The following KCNH7 variants were observed in gnomAD, a reference collection of about 807,000 sequenced individuals.
The protein encoded by KCNH7 is potassium voltage-gated channel subfamily H member 7.
Under a neutral mutation model 120.8 loss-of-function variants are expected in KCNH7, and 49 were observed. The observed-to-expected ratio is 0.41, with a 90% CI of 0.32 to 0.51. KCNH7 has a LOEUF of 0.51. Among genes scored for constraint, KCNH7 ranks in the 20% least tolerant of loss-of-function variants. The pLI is 0.38. For missense variants in KCNH7, 1,097 were observed against 1,446.6 expected (o/e 0.76, Z 3.92); for synonymous variants, 547 against 516.1 (o/e 1.06, Z -0.81).
chr2:162,766,908 A>AC (rs1682839245), intron 2 of KCNH7, among the ~76,000 whole-genome samples: 1 of 138,436 alleles, frequency 7.2e-6, no homozygotes, highest in African/African-American at 2.7e-5. Context: ...CACACACATA[A>AC]ACACACATCA....
chr2:162,435,456 G>A lies in KCNH7; in HGVS notation c.1696C>T (p.Leu566=). The change falls in exon 8 of 16, where the codon CTG becomes TTG. Residue 566 remains leucine (L), a synonymous_variant. Transcript: ENST00000332142. ...CCAATCGCATACCAAATGCAAGCCA[G>A]CCAGTGAGCAATCAGGGCAAAGATG... ...MCIFALIAHW[L]ACIWYAIGNV... is the part of the protein sequence containing the mutation. The A allele has an allele frequency of 6.2e-7, 1 of 1,613,768 alleles. No individual in the cohort carries two copies. The highest frequency in any genetic ancestry group is 8.5e-7 in the Non-Finnish European group (1 of 1,179,866).
chr2:162,414,870 G>C (rs1687494832), intron 9 of KCNH7, among the ~76,000 whole-genome samples: 1 of 151,966 alleles, frequency 6.6e-6, no homozygotes, highest in Admixed American at 6.6e-5. Flanking sequence ...AGGAATGCAA[G>C]TCCCTTTAAA....
At chr2:162,374,424 C>T (rs1401945593) in intron 14 of KCNH7, among the ~76,000 whole-genome samples, 1 of 152,014 alleles carries the variant, frequency 6.6e-6, no homozygotes, top group Non-Finnish European at 1.5e-5. Context: ...GGTCAGATTC[C>T]CCTCCTTTGC....
intron 8 of KCNH7, among the ~76,000 whole-genome samples, chr2:162,434,766 A>G (rs770834665): frequency 2.0e-5 from 3 of 151,932 alleles, no homozygotes; most frequent in Non-Finnish European, 4.4e-5. Flanking sequence ...TTACAGAATA[A>G]TTGTTGTAAT....
rs1483211204 is a variant in KCNH7, at chr2:162,764,990, A to T, written c.307+71547T>A. On this transcript the variant is annotated intron_variant, in intron 2 of 15. Transcript: ENST00000332142. ...ACATCAGAGCTATAAAACCAAATTT[A>T]AAAAATATTAAAATGTCACAATGCT... Among the ~76,000 whole-genome samples the T allele has an allele frequency of 2.6e-5, 4 of 152,294 alleles. No homozygotes were observed. The East Asian group carries it at 7.7e-4, about 29-fold the overall frequency.
At chr2:162,790,899 C>G (rs764169827) in intron 2 of KCNH7, among the ~76,000 whole-genome samples, 6 of 151,798 alleles carry the variant, frequency 4.0e-5, no homozygotes, top group Admixed American at 1.3e-4. Flanking sequence ...ATGCTGAAAA[C>G]TTTTTCTCTA....
chr2:162,604,486 C>T (rs1694665532), intron 2 of KCNH7, among the ~76,000 whole-genome samples: 1 of 152,064 alleles, frequency 6.6e-6, no homozygotes, highest in Non-Finnish European at 1.5e-5. Flanking sequence ...TTACCAGATC[C>T]ATTTCTTAAG....
intron 2 of KCNH7, among the ~76,000 whole-genome samples, chr2:162,741,587 A>G (rs1688139962): frequency 6.6e-6 from 1 of 152,106 alleles, no homozygotes; most frequent in Admixed American, 6.6e-5. Flanking sequence ...ATTTTAGTCA[A>G]CAGCCTGGTA....
At chr2:162,659,017 A>C (rs930959279) in intron 2 of KCNH7, among the ~76,000 whole-genome samples, 1 of 152,230 alleles carries the variant, frequency 6.6e-6, no homozygotes, top group Non-Finnish European at 1.5e-5. Context: ...AAAAAGAATG[A>C]CATGAGGAGA....
intron 2 of KCNH7, among the ~76,000 whole-genome samples, chr2:162,592,081 C>A (rs1423219590): frequency 6.6e-6 from 1 of 151,986 alleles, no homozygotes; most frequent in Admixed American, 6.6e-5. Flanking sequence ...GCAGTCTTAT[C>A]TTTTTCAATT....
intron 2 of KCNH7, among the ~76,000 whole-genome samples, chr2:162,790,098 TTATC>T (rs1300226189): frequency 1.3e-5 from 2 of 151,164 alleles, no homozygotes; most frequent in African/African-American, 2.4e-5. Flanking sequence ...TTTAACTAGA[TTATC>T]TAAGAAAAAA....
chr2:162,656,668 T>C (rs1382450348), intron 2 of KCNH7, among the ~76,000 whole-genome samples: 3 of 152,130 alleles, frequency 2.0e-5, no homozygotes, highest in Non-Finnish European at 4.4e-5. Context: ...TTTGATGATA[T>C]GGTAGAAAAC....
chr2:162,694,418 G>T (rs892533439), intron 2 of KCNH7, among the ~76,000 whole-genome samples: 18 of 151,956 alleles, frequency 1.2e-4, no homozygotes, highest in African/African-American at 4.4e-4. Flanking sequence ...GGCATTCATA[G>T]ATCTTTGCAA....
chr2:162,529,224 A>T (rs530655936), intron 3 of KCNH7, among the ~76,000 whole-genome samples: 1 of 152,138 alleles, frequency 6.6e-6, no homozygotes, highest in South Asian at 2.1e-4. Context: ...TAAGCAGCGT[A>T]TATAGAGATG....
At chr2:162,629,879 T>C (rs1178386594) in intron 2 of KCNH7, among the ~76,000 whole-genome samples, 3 of 152,086 alleles carry the variant, frequency 2.0e-5, no homozygotes, top group African/African-American at 7.2e-5. Context: ...GTGACAGATA[T>C]AACAATACTA....
At chr2:162,722,935 GTTA>G (rs1687380442) in intron 2 of KCNH7, among the ~76,000 whole-genome samples, 1 of 144,266 alleles carries the variant, frequency 6.9e-6, no homozygotes, top group South Asian at 2.2e-4. Context: ...TTTCAATTCA[GTTA>G]TTGCATTCTT....
chr2:162,515,282 C>G (rs1042267941), intron 4 of KCNH7, among the ~76,000 whole-genome samples: 1 of 151,544 alleles, frequency 6.6e-6, no homozygotes, highest in Non-Finnish European at 1.5e-5. Context: ...GTATAGCACC[C>G]GTACTGAGAA....
intron 2 of KCNH7, among the ~76,000 whole-genome samples, chr2:162,594,056 G>A (rs1474436706): frequency 6.6e-6 from 1 of 151,898 alleles, no homozygotes; most frequent in Non-Finnish European, 1.5e-5. Flanking sequence ...ATTCATCTGG[G>A]AACACTTTTC....
intron 2 of KCNH7, among the ~76,000 whole-genome samples, chr2:162,733,288 A>G (rs1687790599): frequency 6.6e-6 from 1 of 152,208 alleles, no homozygotes; most frequent in Non-Finnish European, 1.5e-5. Flanking sequence ...TAAACGTATT[A>G]CTTTAGCCCA....
Sources: gnomAD v4.1 joint callset for allele counts (sites outside exome capture counted in the v4.1 genomes callset) on GRCh38, gnomAD v4.1.1 for gene constraint, MANE v1.5 for transcripts, NCBI Gene and HGNC (gene_info 2026-07-23, HGNC 2026-07-21) for gene names.